PCED1B: variants seen among roughly 807,000 people sequenced by gnomAD.
The protein encoded by PCED1B is PC-esterase domain-containing protein 1B.
For missense variants in PCED1B, 573 were observed against 573.9 expected, an observed-to-expected ratio of 1.00 and a Z score of 0.02; for synonymous variants, 251 against 246.1, an observed-to-expected ratio of 1.02 and a Z score of -0.19.
At position 47,235,541 on chromosome 12, in the gene PCED1B, C is replaced by G. The variant is rs1334712777; in HGVS notation, c.478C>G (p.Leu160Val). ...LGQVLPESCL[L>V]VWNTAMPVGE... ...CCAGGTGCTGCCCGAGTCTTGCCTCCTGGTGTGGAACACGGCCATGCCTGT... is the reference window on the plus strand; with the variant it reads ...CCAGGTGCTGCCCGAGTCTTGCCTCGTGGTGTGGAACACGGCCATGCCTGT... Residue 160 changes from leucine to valine, a missense_variant, in exon 4 of 4, where the codon CTG (leucine) becomes GTG (valine). Transcript: ENST00000546455. 1 of 1,611,142 alleles carries G rather than the reference C, an allele frequency of 6.2e-7. No homozygotes were observed. The highest frequency in any genetic ancestry group is 1.7e-5 in the Admixed American group (1 of 59,860).
At chr12:47,135,706 G>C (rs895304867) in intron 2 of PCED1B, 3 of 531,194 alleles carry the variant, frequency 5.6e-6, no homozygotes, top group East Asian at 5.3e-5. Flanking sequence ...TTCTTGAAGA[G>C]GGTGTTGAAT....
chr12:47,141,004 C>G (rs913598878), intron 2 of PCED1B, among the ~76,000 whole-genome samples: 2 of 152,138 alleles, frequency 1.3e-5, no homozygotes, highest in Non-Finnish European at 2.9e-5. Context: ...CTGTTTCATA[C>G]TTAAGAGACT....
intron 1 of PCED1B, among the ~76,000 whole-genome samples, chr12:47,081,027 C>T (rs1937687707): frequency 6.6e-6 from 1 of 152,160 alleles, no homozygotes; most frequent in Admixed American, 6.5e-5. Context: ...CAAGGCCATT[C>T]AGAAATGAGG....
intron 3 of PCED1B, among the ~76,000 whole-genome samples, chr12:47,226,405 G>A (rs528926209): frequency 1.9e-4 from 29 of 152,094 alleles, no homozygotes; most frequent in Non-Finnish European, 2.9e-4. Context: ...AGTGAGTCTC[G>A]CTCTGTCGCC....
At position 47,132,923 on chromosome 12, in the gene PCED1B, G is replaced by A. The variant is rs558987535; in HGVS notation, c.-526+28728G>A. On this transcript the variant is annotated intron_variant, in intron 2 of 3. Coordinates refer to ENST00000546455, the MANE Select transcript of PCED1B (RefSeq NM_138371.3). Reference sequence around the variant, plus strand: ...ATCATTCAAAATACAGTACATTCAAGGGGGGAAATGGTGATAATGGTGATC... The same window carrying A: ...ATCATTCAAAATACAGTACATTCAAAGGGGGAAATGGTGATAATGGTGATC... Among the ~76,000 whole-genome samples the A allele has an allele frequency of 3.3e-5, 5 of 152,246 alleles. No individual in the cohort carries two copies. The South Asian group carries it at 1.0e-3, about 32-fold the overall frequency.
chr12:47,177,137 T>C (rs1445547791), intron 2 of PCED1B, among the ~76,000 whole-genome samples: 1 of 152,142 alleles, frequency 6.6e-6, no homozygotes, highest in East Asian at 1.9e-4. Flanking sequence ...TCATCCTGGC[T>C]CTGGAGGACA....
At chr12:47,109,793 T>G (rs1035032726) in intron 2 of PCED1B, among the ~76,000 whole-genome samples, 11 of 152,222 alleles carry the variant, frequency 7.2e-5, no homozygotes, top group African/African-American at 2.4e-4. Context: ...TACTGCATCC[T>G]AAGGTCAGTT....
intron 2 of PCED1B, among the ~76,000 whole-genome samples, chr12:47,189,211 G>A (rs1464652467): frequency 1.3e-5 from 2 of 152,180 alleles, no homozygotes; most frequent in African/African-American, 4.8e-5. Context: ...AGAAAAGCAT[G>A]CATTGTGTTT....
intron 1 of PCED1B, among the ~76,000 whole-genome samples, chr12:47,084,005 T>C (rs1190366802): frequency 1.3e-5 from 2 of 152,218 alleles, no homozygotes; most frequent in African/African-American, 2.4e-5. Context: ...GATTGTTTAA[T>C]ATATTCACAA....
chr12:47,213,138 A>T (rs1288297318), intron 2 of PCED1B, among the ~76,000 whole-genome samples: 2 of 152,214 alleles, frequency 1.3e-5, no homozygotes, highest in Admixed American at 1.3e-4. Context: ...TTGTTCATCA[A>T]CACAAAGTTT....
chr12:47,144,208 G>A (rs1252194350), intron 2 of PCED1B, among the ~76,000 whole-genome samples: 1 of 152,174 alleles, frequency 6.6e-6, no homozygotes, highest in Non-Finnish European at 1.5e-5. Flanking sequence ...CCACAGCTAA[G>A]GCAGCCGAGG....
intron 1 of PCED1B, among the ~76,000 whole-genome samples, chr12:47,090,246 A>G (rs1352301645): frequency 2.0e-5 from 3 of 152,216 alleles, no homozygotes; most frequent in African/African-American, 7.2e-5. Context: ...AGAGAGGCAA[A>G]TGGACAACGA....
intron 2 of PCED1B, among the ~76,000 whole-genome samples, chr12:47,112,517 TC>T (rs1939244425): frequency 6.6e-6 from 1 of 152,222 alleles, no homozygotes; most frequent in African/African-American, 2.4e-5. Context: ...ACTCACTATT[TC>T]CCTGGCTGTT....
At chr12:47,213,468 G>GTA (rs1943155517) in intron 2 of PCED1B, among the ~76,000 whole-genome samples, 1 of 152,130 alleles carries the variant, frequency 6.6e-6, no homozygotes, top group Non-Finnish European at 1.5e-5. Context: ...TGAAATTAAT[G>GTA]TATATATATG....
intron 3 of PCED1B, among the ~76,000 whole-genome samples, chr12:47,228,357 T>C (rs1017175314): frequency 9.9e-5 from 15 of 152,232 alleles, no homozygotes; most frequent in Admixed American, 9.8e-4. Flanking sequence ...GGTCTTTATG[T>C]GTTTTTATGT....
At chr12:47,148,806 C>T (rs550802958) in intron 2 of PCED1B, among the ~76,000 whole-genome samples, 3 of 152,356 alleles carry the variant, frequency 2.0e-5, no homozygotes, top group South Asian at 2.1e-4. Context: ...GATTTTGGTG[C>T]AGCTGACTAG....
chr12:47,101,344 C>A (rs968604794), intron 1 of PCED1B, among the ~76,000 whole-genome samples: 1 of 152,160 alleles, frequency 6.6e-6, no homozygotes, highest in African/African-American at 2.4e-5. Flanking sequence ...TGTGATACCA[C>A]CAGTGAGTGA....
intron 2 of PCED1B, among the ~76,000 whole-genome samples, chr12:47,129,480 C>A (rs12580894): frequency 6.6e-6 from 1 of 151,964 alleles, no homozygotes; most frequent in Non-Finnish European, 1.5e-5. Context: ...CAGAGCGAGA[C>A]CCTGTCTCAA....
chr12:47,219,797 T>C (rs1219934702), intron 3 of PCED1B, among the ~76,000 whole-genome samples: 1 of 152,234 alleles, frequency 6.6e-6, no homozygotes, highest in African/African-American at 2.4e-5. Context: ...AATATGATTT[T>C]TTTTCTTCTT....
Sources: allele counts gnomAD v4.1 joint callset (sites outside exome capture counted in the v4.1 genomes callset), GRCh38; gene constraint gnomAD v4.1.1; transcripts MANE v1.5; gene names NCBI Gene and HGNC (gene_info 2026-07-23, HGNC 2026-07-21).